The following RAB31 variants were observed in gnomAD, a reference collection of about 807,000 sequenced individuals.
The protein encoded by RAB31 is RAB31, member RAS oncogene family.
In RAB31, 21 loss-of-function variants were observed where a neutral mutation model predicts 25.6. The observed-to-expected ratio is 0.82, with a 90% CI of 0.58 to 1.18. The LOEUF (loss-of-function observed/expected upper bound fraction) is 1.18, where lower values mean the gene tolerates loss of function less well. Ranked by LOEUF, RAB31 falls within the 50% of genes most tolerant of loss-of-function variation. The probability of loss-of-function intolerance (pLI) is 0.00; values close to 1 mark genes in which losing one functional copy is unlikely to be tolerated. For synonymous variants in RAB31, 87 were observed against 84.0 expected (o/e 1.04, Z -0.20); for missense variants, 196 against 250.1 (o/e 0.78, Z 1.46).
At chr18:9,763,995 A>T (rs936134832) in intron 1 of RAB31, among the ~76,000 whole-genome samples, 1 of 152,192 alleles carries the variant, frequency 6.6e-6, no homozygotes, top group African/African-American at 2.4e-5. Context: ...AAGTTTTCCT[A>T]TGGAAACAAT....
At chr18:9,813,019 A>T (rs929318408) in intron 3 of RAB31, among the ~76,000 whole-genome samples, 1 of 152,056 alleles carries the variant, frequency 6.6e-6, no homozygotes, top group African/African-American at 2.4e-5. Context: ...TTTTTAATTT[A>T]AAAAAATATG....
intron 3 of RAB31, among the ~76,000 whole-genome samples, chr18:9,803,546 A>T (rs1419326092): frequency 6.6e-6 from 1 of 152,032 alleles, no homozygotes; most frequent in Non-Finnish European, 1.5e-5. Context: ...CTCTTGAAAG[A>T]GAAAACTGAG....
At chr18:9,787,055 C>A in intron 2 of RAB31, 1 of 202,382 alleles carries the variant, frequency 4.9e-6, no homozygotes. Flanking sequence ...AGCTTTCAGT[C>A]ATATCTGCCT....
At chr18:9,849,200 C>T (rs866672817) in intron 6 of RAB31, among the ~76,000 whole-genome samples, 1 of 151,954 alleles carries the variant, frequency 6.6e-6, no homozygotes, top group Non-Finnish European at 1.5e-5. Context: ...TTGGTTTGTT[C>T]TGCCATTTTG....
At chr18:9,744,582 C>T (rs2902842) in intron 1 of RAB31, among the ~76,000 whole-genome samples, 141,537 of 152,258 alleles carry the variant, frequency 0.93, 65,982 homozygotes, top group African/African-American at 0.96. Context: ...ATAACAAAGG[C>T]ACCGTGCTTC....
intron 1 of RAB31, among the ~76,000 whole-genome samples, chr18:9,729,332 C>T (rs2068110529): frequency 6.6e-6 from 1 of 152,054 alleles, no homozygotes; most frequent in Non-Finnish European, 1.5e-5. Context: ...TCGAGACCAT[C>T]CTGTCTAACA....
chr18:9,781,535 G>T (rs1315375712), intron 2 of RAB31, among the ~76,000 whole-genome samples: 1 of 152,116 alleles, frequency 6.6e-6, no homozygotes, highest in Non-Finnish European at 1.5e-5. Context: ...CTGGTCTCGA[G>T]CTCCTTACCT....
chr18:9,777,990 T>C (rs139387457), intron 2 of RAB31, among the ~76,000 whole-genome samples: 1,635 of 152,200 alleles, frequency 0.011, 32 homozygotes, highest in African/African-American at 0.037. Flanking sequence ...CTTGACCTTG[T>C]GATCTGCCCA....
chr18:9,715,704 A>AT lies in RAB31; in HGVS notation c.39+7268dup, dbSNP rs1031405960. ...AACACCATGCCCAGCTAATTTTTGT[A>AT]TTTTTTTTAGTAGAGATGGCGTTTC... On this transcript the variant is annotated intron_variant, in intron 1 of 6. Coordinates refer to ENST00000578921, the MANE Select transcript of RAB31 (RefSeq NM_006868.4). Among the ~76,000 whole-genome samples the AT allele has an allele frequency of 3.3e-5, 5 of 151,010 alleles. No individual in the cohort carries two copies. The South Asian group carries it at 6.3e-4, about 19-fold the overall frequency.
intron 2 of RAB31, among the ~76,000 whole-genome samples, chr18:9,785,889 C>G (rs1177938413): frequency 6.6e-6 from 1 of 152,168 alleles, no homozygotes; most frequent in African/African-American, 2.4e-5. Context: ...GGTGAAACCC[C>G]TTCTCTACTA....
intron 2 of RAB31, among the ~76,000 whole-genome samples, chr18:9,789,368 T>C (rs2068448783): frequency 6.6e-6 from 1 of 152,164 alleles, no homozygotes; most frequent in Non-Finnish European, 1.5e-5. Context: ...TTCGAAAAGC[T>C]TGAAGAGAGG....
intron 1 of RAB31, among the ~76,000 whole-genome samples, chr18:9,754,353 C>G (rs1441516591): frequency 2.0e-5 from 3 of 152,136 alleles, no homozygotes; most frequent in Non-Finnish European, 2.9e-5. Flanking sequence ...GATCTTGGCT[C>G]ACTGCAACCT....
chr18:9,838,556 AC>A (rs753241794), intron 5 of RAB31, among the ~76,000 whole-genome samples: 62 of 152,350 alleles, frequency 4.1e-4, no homozygotes, highest in Non-Finnish European at 4.0e-4. Flanking sequence ...AAGGAGGACC[AC>A]AAAGAATTTA....
At chr18:9,781,013 A>G (rs2068401217) in intron 2 of RAB31, among the ~76,000 whole-genome samples, 1 of 152,206 alleles carries the variant, frequency 6.6e-6, no homozygotes, top group Non-Finnish European at 1.5e-5. Context: ...ATAGATACCC[A>G]TGTATACTGC....
At chr18:9,788,241 T>C (rs146467093) in intron 2 of RAB31, among the ~76,000 whole-genome samples, 49 of 152,164 alleles carry the variant, frequency 3.2e-4, no homozygotes, top group African/African-American at 1.2e-3. Context: ...GGAATCTGAG[T>C]AGACATCTCT....
intron 3 of RAB31, among the ~76,000 whole-genome samples, chr18:9,803,360 C>T (rs947785659): frequency 1.3e-5 from 2 of 151,954 alleles, no homozygotes; most frequent in South Asian, 2.1e-4. Context: ...CTTAACCTCC[C>T]GAGTAGCTGG....
chr18:9,771,914 A>C (rs2068347184), intron 1 of RAB31, among the ~76,000 whole-genome samples: 1 of 152,226 alleles, frequency 6.6e-6, no homozygotes, highest in East Asian at 1.9e-4. Flanking sequence ...TTTCAAAATA[A>C]AGAGACAGTG....
rs56279010 is a variant in RAB31 at position 9,766,906 on chromosome 18, G to A, written c.40-8372G>A. Among the ~76,000 whole-genome samples the A allele has an allele frequency of 0.097, 14,776 of 152,174 alleles. 804 individuals carry two copies. The highest frequency in any genetic ancestry group is 0.2 in the South Asian group (972 of 4,820). On this transcript the variant is annotated intron_variant, in intron 1 of 6. Coordinates refer to ENST00000578921, the MANE Select transcript of RAB31 (RefSeq NM_006868.4). The surrounding 1 kb of genome is among the most constrained non-coding windows in gnomAD (Gnocchi z 4.3). ...TGGAAGGAGTAGGTTGCAGTGAGCC[G>A]ATGTTGTGCCACTGTAATCCAGCCT...
rs372655362 is a variant in RAB31 at position 9,845,633 on chromosome 18, C to T, written c.432C>T (p.Ile144=). The T allele has an allele frequency of 4.5e-6, 7 of 1,569,676 alleles. No individual in the cohort carries two copies. Among genetic ancestry groups the T allele is most frequent in the East Asian group, 4.7e-5 (2 of 42,828 alleles). The change falls in exon 6 of 7, where the codon ATC becomes ATT. Residue 144 remains isoleucine, a synonymous_variant. Transcript: ENST00000578921. ...AKEYAESIGA[I]VVETSAKNAI... The stretch of plus-strand genomic sequence containing the variant: ...AATACGCTGAATCCATAGGTGCCAT[C>T]GTGGTTGAGACAAGTGCAAAAAATG...
Sources: gnomAD v4.1 joint callset for allele counts (sites outside exome capture counted in the v4.1 genomes callset) on GRCh38, gnomAD v4.1.1 for gene constraint, Gnocchi (gnomAD v3.1) non-coding constraint, MANE v1.5 for transcripts, NCBI Gene and HGNC (gene_info 2026-07-23, HGNC 2026-07-21) for gene names.